SUCO: variants seen among roughly 807,000 people sequenced by gnomAD.
SUCO encodes the protein SUN domain-containing ossification factor.
SUCO carries 57 observed loss-of-function variants against 148.1 expected under a neutral mutation model. The observed-to-expected ratio is 0.38, with a 90% CI of 0.31 to 0.48. SUCO has a LOEUF of 0.48. Among genes scored for constraint, SUCO ranks in the 20% least tolerant of loss-of-function variants. SUCO has a pLI of 0.96. For missense variants in SUCO, 1,331 were observed against 1,468.2 expected (o/e 0.91, Z 1.53); for synonymous variants, 470 against 502.7 (o/e 0.93, Z 0.87).
At chr1:172,590,430 C>T (rs1656567802) in intron 18 of SUCO, 1 of 887,964 alleles carries the variant, frequency 1.1e-6, no homozygotes, top group South Asian at 5.2e-5. Flanking sequence ...ATAATTTCTG[C>T]TTTTAAGTGC....
intron 9 of SUCO, 94 bp downstream of exon 9, chr1:172,570,824 T>A (rs1654908264): frequency 1.3e-6 from 1 of 783,658 alleles, no homozygotes; most frequent in African/African-American, 1.8e-5. Context: ...TATAATAATT[T>A]AATAAGCTTT....
chr1:172,559,278 A>G (rs912146386), intron 6 of SUCO, among the ~76,000 whole-genome samples: 1 of 152,236 alleles, frequency 6.6e-6, no homozygotes, highest in Non-Finnish European at 1.5e-5. Flanking sequence ...CTAGGAGGAT[A>G]TAGTGATTTC....
rs1005959443 is a variant in SUCO, at chr1:172,567,449, A to AT, written c.733-1562dup. ...ATATAACCACTGTCTTGAATTTAGT[A>AT]TTTTTTTTGTTTAGTTTTAGAGCTT... On this transcript the variant is annotated intron_variant, in intron 6 of 23. Coordinates refer to ENST00000263688, the MANE Select transcript of SUCO (RefSeq NM_014283.5). Among the ~76,000 whole-genome samples the AT allele has an allele frequency of 1.2e-4, 19 of 152,008 alleles. No homozygotes were observed. In the East Asian group the frequency reaches 1.5e-3, roughly 12 times the overall value.
intron 1 of SUCO, chr1:172,541,962 A>G (rs1652494475): frequency 4.4e-6 from 2 of 455,964 alleles, no homozygotes; most frequent in East Asian, 3.1e-4. Context: ...TGGTGGTCAA[A>G]AAGAAGTGGA....
chr1:172,595,251 T>C (rs1657010270), intron 19 of SUCO, among the ~76,000 whole-genome samples: 1 of 152,218 alleles, frequency 6.6e-6, no homozygotes, highest in Non-Finnish European at 1.5e-5. Flanking sequence ...AGTCTGTGTC[T>C]TTTAATTGGA....
At chr1:172,577,927 A>G in intron 13 of SUCO, 108 bp downstream of exon 13, 5 of 765,942 alleles carry the variant, frequency 6.5e-6, no homozygotes, top group South Asian at 2.2e-5. Flanking sequence ...AGTTAATACC[A>G]TAGAAATAAA....
intron 9 of SUCO, among the ~76,000 whole-genome samples, chr1:172,571,269 C>CG (rs1157186984): frequency 6.6e-6 from 1 of 152,214 alleles, no homozygotes; most frequent in Non-Finnish European, 1.5e-5. Context: ...CTGTGTTGGC[C>CG]GGGCTGGTCT....
rs537886737 is a variant in SUCO at position 172,595,440 on chromosome 1, G to A, written c.2913+4369G>A. On this transcript the variant is annotated intron_variant, in intron 19 of 23. Transcript: ENST00000263688. Reference sequence around the variant, plus strand: ...TACCAATCGTTCCTTTCCACTTTTCGTGCTTCCTTCAGGAGCTCTTGTAAG... The same window carrying A: ...TACCAATCGTTCCTTTCCACTTTTCATGCTTCCTTCAGGAGCTCTTGTAAG... Among the ~76,000 whole-genome samples the A allele has an allele frequency of 2.2e-4, 34 of 152,104 alleles. No individual in the cohort carries two copies. The East Asian group carries it at 5.0e-3, about 22-fold the overall frequency.
At chr1:172,562,902 T>C (rs915670845) in intron 6 of SUCO, among the ~76,000 whole-genome samples, 1 of 152,124 alleles carries the variant, frequency 6.6e-6, no homozygotes, top group Admixed American at 6.5e-5. Flanking sequence ...GAATTTCCCC[T>C]TGCTGTTCTT....
chr1:172,534,300 G>A (rs1184303596), intron 1 of SUCO, among the ~76,000 whole-genome samples: 1 of 152,186 alleles, frequency 6.6e-6, no homozygotes, highest in Non-Finnish European at 1.5e-5. Flanking sequence ...ACCGTACTTG[G>A]AAAAGCCATT....
At position 172,610,425 on chromosome 1, in the gene SUCO, G is replaced by C. The variant is rs745979115; in HGVS notation, c.*166G>C. Reference sequence around the variant, plus strand: ...AGTAGATGGGATTGTGTCAATCTTGGTTAATGAGCTACAGTTTTACAAAGC... The same window carrying C: ...AGTAGATGGGATTGTGTCAATCTTGCTTAATGAGCTACAGTTTTACAAAGC... On this transcript the variant is annotated 3_prime_UTR_variant, in exon 24 of 24. Coordinates refer to ENST00000263688, the MANE Select transcript of SUCO (RefSeq NM_014283.5). 89 of 1,056,984 alleles carry C rather than the reference G, an allele frequency of 8.4e-5. No homozygotes were observed. Among genetic ancestry groups the C allele is most frequent in the Non-Finnish European group, 1.1e-4 (89 of 776,988 alleles). The allele number at this position is 1,056,984 out of a possible 1,614,324, so 65.5% of individuals were successfully genotyped here. A position where few individuals can be genotyped will look rare whatever the true frequency, so the allele number is the denominator to read the frequency against.
intron 20 of SUCO, among the ~76,000 whole-genome samples, chr1:172,601,176 G>T (rs1249844715): frequency 6.6e-6 from 1 of 152,194 alleles, no homozygotes; most frequent in East Asian, 1.9e-4. Context: ...AGGAGCAGAA[G>T]CAGACAGGAA....
At chr1:172,562,571 C>T (rs564884567) in intron 6 of SUCO, among the ~76,000 whole-genome samples, 3 of 152,242 alleles carry the variant, frequency 2.0e-5, no homozygotes, top group Non-Finnish European at 2.9e-5. Flanking sequence ...CTCTTGACCT[C>T]GTGATCACCC....
At position 172,601,928 on chromosome 1, in the gene SUCO, G is replaced by A. The variant is rs1657555596; in HGVS notation, c.3019-136G>A. On this transcript the variant is annotated intron_variant, in intron 20 of 23. Transcript: ENST00000263688. Reference sequence around the variant, plus strand: ...TAATGTCATAGTTTATTTTCAAAGAGCATGCCCTGCATTTCTGGTCTTTGA... The same window carrying A: ...TAATGTCATAGTTTATTTTCAAAGAACATGCCCTGCATTTCTGGTCTTTGA... 9 of 800,190 alleles carry A rather than the reference G, an allele frequency of 1.1e-5. No homozygotes were observed. In the Admixed American group the frequency reaches 2.8e-4, roughly 25 times the overall value. The allele number at this position is 800,190 out of a possible 1,614,324, so 49.6% of individuals were successfully genotyped here.
intron 1 of SUCO, among the ~76,000 whole-genome samples, chr1:172,546,516 T>C (rs992271763): frequency 6.6e-6 from 1 of 152,158 alleles, no homozygotes; most frequent in African/African-American, 2.4e-5. Flanking sequence ...ATGAAGGCCG[T>C]GTAGTAGTGG....
intron 3 of SUCO, among the ~76,000 whole-genome samples, chr1:172,554,295 T>C (rs936477092): frequency 1.3e-5 from 2 of 152,204 alleles, no homozygotes; most frequent in Non-Finnish European, 2.9e-5. Flanking sequence ...CCTACCGTTA[T>C]TCATAAAACT....
At chr1:172,558,044 C>T (rs1205239875) in intron 6 of SUCO, among the ~76,000 whole-genome samples, 1 of 152,092 alleles carries the variant, frequency 6.6e-6, no homozygotes, top group Non-Finnish European at 1.5e-5. Flanking sequence ...GATTTTGTGC[C>T]ACCCACAGCT....
chr1:172,584,443 T>C lies in SUCO; in HGVS notation c.1499-575T>C, dbSNP rs974780824. 31 of 671,388 alleles carry C rather than the reference T, an allele frequency of 4.6e-5. No individual in the cohort carries two copies. The African/African-American group carries it at 6.1e-4, about 13-fold the overall frequency. 41.6% of individuals were successfully genotyped at this position (671,388 alleles called of 1,614,324 possible). On this transcript the variant is annotated intron_variant, in intron 15 of 23. Transcript: ENST00000263688. ...TGAGTTTATAGTATGCTGAAGACAG[T>C]GTTTTGGTAAAGTGTCTAGGGAAGT...
chr1:172,600,490 G>A (rs1657427157), intron 20 of SUCO, among the ~76,000 whole-genome samples: 2 of 152,072 alleles, frequency 1.3e-5, no homozygotes, highest in Admixed American at 1.3e-4. Context: ...GCTTAACAAA[G>A]CAAACATTTC....
Sources: gnomAD v4.1 joint callset for allele counts (sites outside exome capture counted in the v4.1 genomes callset) on GRCh38, gnomAD v4.1.1 for gene constraint, MANE v1.5 for transcripts, NCBI Gene and HGNC (gene_info 2026-07-23, HGNC 2026-07-21) for gene names.